EIF5B: variants seen among roughly 807,000 people sequenced by gnomAD.
EIF5B encodes eIF-5B.
EIF5B carries 47 observed loss-of-function variants against 147.5 expected under a neutral mutation model. That is an observed-to-expected ratio of 0.32 (90% CI 0.25 to 0.41). The LOEUF (loss-of-function observed/expected upper bound fraction) is 0.41. Ranked by LOEUF, EIF5B falls within the 10% of genes least tolerant of loss-of-function variation. EIF5B has a pLI of 1.00. For missense variants in EIF5B, 1,064 were observed against 1,413.2 expected, an observed-to-expected ratio of 0.75 and a Z score of 3.96; for synonymous variants, 455 against 456.2, an observed-to-expected ratio of 1.00 and a Z score of 0.03.
intron 15 of EIF5B, 119 bp from the exon 16 acceptor site, chr2:99,390,098 TTA>T: frequency 8.3e-7 from 1 of 1,198,106 alleles, no homozygotes; most frequent in African/African-American, 1.5e-5. Flanking sequence ...ATGATCATTT[TTA>T]GTGTTTATGA....
At chr2:99,387,905 T>A (rs1033500261) in intron 14 of EIF5B, among the ~76,000 whole-genome samples, 7 of 152,204 alleles carry the variant, frequency 4.6e-5, no homozygotes, top group Non-Finnish European at 1.0e-4. Flanking sequence ...ACACCTGGGC[T>A]GAAGCAATCT....
intron 1 of EIF5B, among the ~76,000 whole-genome samples, chr2:99,358,997 T>A (rs1674148745): frequency 6.6e-6 from 1 of 152,194 alleles, no homozygotes; most frequent in South Asian, 2.1e-4. Flanking sequence ...AAATTCTATA[T>A]CCTCAATGTC....
At chr2:99,373,554 C>T (rs955952399) in intron 9 of EIF5B, among the ~76,000 whole-genome samples, 4 of 152,150 alleles carry the variant, frequency 2.6e-5, no homozygotes, top group African/African-American at 7.2e-5. Flanking sequence ...CTCCTACCAG[C>T]AAAATGGGGA....
chr2:99,356,633 G>A (rs908446649), intron 1 of EIF5B, among the ~76,000 whole-genome samples: 17 of 151,950 alleles, frequency 1.1e-4, no homozygotes, highest in Non-Finnish European at 2.1e-4. Context: ...GTGTGTTTTC[G>A]TGTGTTTTGG....
Position 99,389,720 on chromosome 2 carries a change from T to G in EIF5B, c.2274T>G (p.Ile758Met), listed in dbSNP as rs765857426. Residue 758 changes from isoleucine (I) to methionine (M), a missense_variant and splice_region_variant, in exon 15 of 24, where the codon ATT becomes ATG. This residue lies in a region of EIF5B where 380 missense variants were observed against 715.6 expected (regional missense o/e 0.53). Coordinates refer to ENST00000289371, the MANE Select transcript of EIF5B (RefSeq NM_015904.4). ...KCPFIVALNKIDRLYDWKKSP... is the reference protein window; with the variant it reads ...KCPFIVALNKMDRLYDWKKSP... ...TTCTCATGAAAAAACTTTTTCAGAT[T>G]GATAGGTTATATGATTGGAAAAAGA... is the stretch of plus-strand genomic sequence containing the variant. The G allele has an allele frequency of 1.3e-6, 2 of 1,587,336 alleles. No homozygotes were observed. Among genetic ancestry groups the G allele is most frequent in the South Asian group, 2.3e-5 (2 of 85,724 alleles).
intron 1 of EIF5B, among the ~76,000 whole-genome samples, chr2:99,355,893 G>A (rs1045014160): frequency 2.0e-5 from 3 of 152,112 alleles, no homozygotes; most frequent in African/African-American, 7.2e-5. Context: ...GATTACAGGC[G>A]TGAGGCACTG....
chr2:99,340,392 G>A (rs1461407374), intron 1 of EIF5B, among the ~76,000 whole-genome samples: 1 of 152,078 alleles, frequency 6.6e-6, no homozygotes, highest in Non-Finnish European at 1.5e-5. Flanking sequence ...TATTCTCCTG[G>A]GTGAAGGTCC....
At chr2:99,378,991 T>G in intron 10 of EIF5B, 28 bp from the exon 11 acceptor site, 1 of 1,432,990 alleles carries the variant, frequency 7.0e-7, no homozygotes, top group South Asian at 1.4e-5. Flanking sequence ...ATATTTAATT[T>G]TTGATTTTTT....
chr2:99,345,373 A>G (rs2094270362), intron 1 of EIF5B, among the ~76,000 whole-genome samples: 1 of 152,068 alleles, frequency 6.6e-6, no homozygotes, highest in African/African-American at 2.4e-5. Flanking sequence ...CGGGTGGATC[A>G]GTTGAGCGTA....
At chr2:99,368,699 AT>A in intron 7 of EIF5B, 108 bp downstream of exon 7, 1 of 751,254 alleles carries the variant, frequency 1.3e-6, no homozygotes, top group Non-Finnish European at 2.2e-6. Flanking sequence ...CGAAATGCAT[AT>A]TGAAACTTAT....
chr2:99,368,833 ACT>A (rs1252379894), intron 7 of EIF5B, among the ~76,000 whole-genome samples: 4 of 152,194 alleles, frequency 2.6e-5, no homozygotes, highest in African/African-American at 9.6e-5. Flanking sequence ...ACTGTTGTTA[ACT>A]CTGAGAAGTA....
intron 10 of EIF5B, among the ~76,000 whole-genome samples, chr2:99,377,145 G>C (rs1399004758): frequency 2.0e-5 from 3 of 151,964 alleles, no homozygotes; most frequent in Non-Finnish European, 4.4e-5. Context: ...CTTTAGTTCT[G>C]TCAGCTTAAT....
At chr2:99,383,741 A>G (rs1193915611) in intron 14 of EIF5B, among the ~76,000 whole-genome samples, 5 of 151,982 alleles carry the variant, frequency 3.3e-5, no homozygotes, top group Non-Finnish European at 1.5e-5. Flanking sequence ...GAAGATGGCT[A>G]CACTAAACAA....
At chr2:99,374,969 C>T (rs1674532131) in intron 9 of EIF5B, among the ~76,000 whole-genome samples, 1 of 151,930 alleles carries the variant, frequency 6.6e-6, no homozygotes, top group South Asian at 2.1e-4. Context: ...CACTGATTTT[C>T]TCCTTGGCTC....
chr2:99,373,054 A>G (rs1242001654), intron 9 of EIF5B, among the ~76,000 whole-genome samples: 2 of 152,068 alleles, frequency 1.3e-5, no homozygotes, highest in Non-Finnish European at 2.9e-5. Flanking sequence ...GGTAAACACA[A>G]TCTTGTATCT....
chr2:99,375,253 T>C (rs1674538962), intron 9 of EIF5B, among the ~76,000 whole-genome samples: 1 of 152,228 alleles, frequency 6.6e-6, no homozygotes, highest in African/African-American at 2.4e-5. Flanking sequence ...CTGGATATTT[T>C]GCTTGGAGAA....
intron 16 of EIF5B, 35 bp from the exon 17 acceptor site, chr2:99,390,505 TTGTA>T: frequency 1.3e-6 from 2 of 1,596,560 alleles, no homozygotes; most frequent in Non-Finnish European, 8.5e-7. Flanking sequence ...ACATGGTGCA[TTGTA>T]TGTATGTCTT....
chr2:99,373,652 A>G (rs1307963709), intron 9 of EIF5B, among the ~76,000 whole-genome samples: 1 of 152,162 alleles, frequency 6.6e-6, no homozygotes, highest in Admixed American at 6.5e-5. Context: ...CAGTTTGTCA[A>G]TCTTTATATT....
chr2:99,384,225 T>C (rs1674753216), intron 14 of EIF5B, among the ~76,000 whole-genome samples: 3 of 150,126 alleles, frequency 2.0e-5, no homozygotes, highest in South Asian at 4.2e-4. Context: ...GCCAAATCCA[T>C]TGTGTGCTTT....
Sources: allele counts gnomAD v4.1 joint callset (sites outside exome capture counted in the v4.1 genomes callset), GRCh38; gene constraint gnomAD v4.1.1; regional missense constraint gnomAD v4.1.1; transcripts MANE v1.5; gene names NCBI Gene and HGNC (gene_info 2026-07-23, HGNC 2026-07-21).